Variants in NEK10 observed in about 807,000 individuals in gnomAD.
NEK10 encodes the protein serine/threonine-protein kinase Nek10.
A neutral mutation model predicts 159.8 loss-of-function variants in NEK10; 122 were observed. The ratio of observed to expected loss-of-function variants is 0.76; its 90% CI spans 0.66 to 0.89. The LOEUF is 0.89. NEK10 is among the 40% of genes least tolerant of loss of function. NEK10 has a pLI of 0.00. For missense variants in NEK10, 1,342 were observed against 1,323.1 expected (o/e 1.01, Z -0.22); for synonymous variants, 466 against 457.1 (o/e 1.02, Z -0.25).
chr3:27,287,877 A>G (rs545270200), intron 19 of NEK10, 134 bp from the exon 20 acceptor site: 1 of 996,516 alleles, frequency 1.0e-6, no homozygotes, highest in Non-Finnish European at 1.4e-6. Flanking sequence ...GCATTTCAAG[A>G]TATCATCGAA....
chr3:27,279,655 T>C (rs1331115572), intron 22 of NEK10, among the ~76,000 whole-genome samples: 1 of 152,210 alleles, frequency 6.6e-6, no homozygotes, highest in Non-Finnish European at 1.5e-5. Context: ...TTTTCAGTCA[T>C]AAAATCATTT....
chr3:27,292,434 CAAAT>C (rs1443304202), intron 16 of NEK10, among the ~76,000 whole-genome samples: 13 of 151,994 alleles, frequency 8.6e-5, no homozygotes, highest in African/African-American at 2.4e-4. Context: ...AAAAATAAAA[CAAAT>C]AAAGAGATTC....
At chr3:27,272,700 T>A (rs1279336352) in intron 22 of NEK10, among the ~76,000 whole-genome samples, 1 of 152,158 alleles carries the variant, frequency 6.6e-6, no homozygotes, top group Non-Finnish European at 1.5e-5. Flanking sequence ...GAGCATATGT[T>A]CTAGGTGCTG....
chr3:27,167,324 C>T (rs1436747965), intron 29 of NEK10, among the ~76,000 whole-genome samples: 8 of 152,160 alleles, frequency 5.3e-5, no homozygotes, highest in Admixed American at 5.2e-4. Context: ...TACCTATGTG[C>T]AATACACTGT....
chr3:27,253,555 C>G (rs1486853533), intron 23 of NEK10, among the ~76,000 whole-genome samples: 1 of 152,166 alleles, frequency 6.6e-6, no homozygotes, highest in Non-Finnish European at 1.5e-5. Flanking sequence ...TGCCCACAAA[C>G]CCTTTATCTA....
At chr3:27,365,113 T>C (rs1031654420) in intron 1 of NEK10, among the ~76,000 whole-genome samples, 2 of 152,214 alleles carry the variant, frequency 1.3e-5, no homozygotes, top group Non-Finnish European at 2.9e-5. Flanking sequence ...CCTAAGTGAA[T>C]TTTCTAGATA....
At chr3:27,314,727 C>A (rs1029183717) in intron 6 of NEK10, among the ~76,000 whole-genome samples, 1 of 152,156 alleles carries the variant, frequency 6.6e-6, no homozygotes, top group African/African-American at 2.4e-5. Context: ...AACTGACGAA[C>A]CTGGATGAGT....
intron 23 of NEK10, chr3:27,253,059 A>C: frequency 2.8e-6 from 1 of 360,778 alleles, no homozygotes. Flanking sequence ...GGCATGCTTC[A>C]CTTTGTCTCT....
At chr3:27,132,767 A>AG (rs1942768606) in intron 31 of NEK10, among the ~76,000 whole-genome samples, 1 of 152,200 alleles carries the variant, frequency 6.6e-6, no homozygotes, top group Admixed American at 6.5e-5. Context: ...CAGGATTAAA[A>AG]GGGTCTCAGA....
chr3:27,363,205 C>A (rs1216220016), intron 1 of NEK10, among the ~76,000 whole-genome samples: 2 of 152,214 alleles, frequency 1.3e-5, no homozygotes, highest in Admixed American at 1.3e-4. Context: ...CATGTCTCAA[C>A]TGAAGTATCC....
intron 5 of NEK10, among the ~76,000 whole-genome samples, chr3:27,335,782 T>C (rs1360474714): frequency 1.3e-5 from 2 of 152,068 alleles, no homozygotes; most frequent in African/African-American, 4.8e-5. Flanking sequence ...ATAAAGAAAC[T>C]AAAATGTAAA....
intron 25 of NEK10, among the ~76,000 whole-genome samples, chr3:27,200,821 A>G (rs1949979453): frequency 6.6e-6 from 1 of 152,124 alleles, no homozygotes; most frequent in East Asian, 1.9e-4. Flanking sequence ...TCACACATAT[A>G]TCTGAGGAAA....
At chr3:27,309,182 A>C in intron 9 of NEK10, 177 bp from the exon 10 acceptor site, 2 of 412,690 alleles carry the variant, frequency 4.8e-6, no homozygotes, top group Non-Finnish European at 4.4e-6. Context: ...ATGTATGTGC[A>C]TATACAATTA....
chr3:27,282,594 T>TTA (rs1350044945), intron 22 of NEK10, among the ~76,000 whole-genome samples: 1 of 98,808 alleles, frequency 1.0e-5, no homozygotes, highest in Non-Finnish European at 2.3e-5. Flanking sequence ...CATAACTGTG[T>TTA]TATATATATA....
chr3:27,257,778 T>C (rs1185597414), intron 22 of NEK10, among the ~76,000 whole-genome samples: 2 of 131,864 alleles, frequency 1.5e-5, no homozygotes, highest in Non-Finnish European at 3.2e-5. Flanking sequence ...TTCCAATAGC[T>C]TTCTTTTTTC....
intron 30 of NEK10, among the ~76,000 whole-genome samples, chr3:27,143,916 G>C (rs1333592991): frequency 6.6e-6 from 1 of 152,112 alleles, no homozygotes; most frequent in Non-Finnish European, 1.5e-5. Context: ...TCAGCATTTT[G>C]AAAAATGATA....
chr3:27,254,110 C>T (rs531624912), intron 23 of NEK10, among the ~76,000 whole-genome samples: 2 of 152,272 alleles, frequency 1.3e-5, no homozygotes, highest in East Asian at 3.9e-4. Context: ...CAAGCTAGTC[C>T]AACCCCCGGC....
intron 29 of NEK10, among the ~76,000 whole-genome samples, chr3:27,168,725 C>G (rs1258873954): frequency 6.6e-6 from 1 of 152,140 alleles, no homozygotes; most frequent in African/African-American, 2.4e-5. Flanking sequence ...GCTGTATTAC[C>G]ACATTTCATG....
chr3:27,217,414 C>T (rs1049697600), intron 23 of NEK10, among the ~76,000 whole-genome samples: 1 of 152,174 alleles, frequency 6.6e-6, no homozygotes, highest in African/African-American at 2.4e-5. Flanking sequence ...GAGCAGGCAT[C>T]TTCGCATGGC....
Sources: allele counts gnomAD v4.1 joint callset (sites outside exome capture counted in the v4.1 genomes callset), GRCh38; gene constraint gnomAD v4.1.1; transcripts MANE v1.5; gene names NCBI Gene and HGNC (gene_info 2026-07-23, HGNC 2026-07-21).